Variants in SEL1L observed in about 807,000 individuals in gnomAD.
The protein encoded by SEL1L is protein sel-1 homolog 1.
Under a neutral mutation model 109.8 loss-of-function variants are expected in SEL1L, and 52 were observed. That is an observed-to-expected ratio of 0.47 (90% CI 0.38 to 0.60). SEL1L has a LOEUF of 0.60. SEL1L is among the 20% of genes least tolerant of loss of function. The probability of loss-of-function intolerance (pLI) is 0.00; values close to 1 mark genes in which losing one functional copy is unlikely to be tolerated. For missense variants in SEL1L, 749 were observed against 962.2 expected, an observed-to-expected ratio of 0.78 and a Z score of 2.93; for synonymous variants, 373 against 339.6, an observed-to-expected ratio of 1.10 and a Z score of -1.08.
chr14:81,494,868 C>T (rs575204178), intron 11 of SEL1L, among the ~76,000 whole-genome samples: 2 of 152,298 alleles, frequency 1.3e-5, no homozygotes, highest in Middle Eastern at 3.4e-3. Flanking sequence ...TCCAATATTG[C>T]ATGGTGAATG....
chr14:81,501,535 G>A (rs560268701), intron 6 of SEL1L, among the ~76,000 whole-genome samples: 1 of 152,262 alleles, frequency 6.6e-6, no homozygotes, highest in Admixed American at 6.5e-5. Flanking sequence ...AAATACCGAG[G>A]AAAGAGCTGC....
intron 10 of SEL1L, among the ~76,000 whole-genome samples, chr14:81,496,594 C>T (rs1883759669): frequency 6.6e-6 from 1 of 152,064 alleles, no homozygotes; most frequent in Admixed American, 6.5e-5. Context: ...CAAAAATTAG[C>T]TGGGTGTGGT....
Position 81,495,111 on chromosome 14 carries a change from G to C in SEL1L, c.1155C>G (p.His385Gln). The change falls in exon 11 of 21, where the codon CAC becomes CAG. Residue 385 changes from histidine (H) to glutamine (Q), a missense_variant. This residue lies in a region of SEL1L where 383 missense variants were observed against 562.5 expected (regional missense o/e 0.68). Coordinates refer to ENST00000336735, the MANE Select transcript of SEL1L (RefSeq NM_005065.6). The stretch of plus-strand genomic sequence containing the variant: ...GATTCTGTTCTACTCCACGCCCTCC[G>C]TGCAGGTGCAGTTGTCCAAGACCAA... ...AQVGLGQLHL[H>Q]GGRGVEQNHQ... The C allele has an allele frequency of 6.2e-7, 1 of 1,614,040 alleles. No homozygotes were observed. The highest frequency in any genetic ancestry group is 8.5e-7 in the Non-Finnish European group (1 of 1,179,996).
intron 19 of SEL1L, among the ~76,000 whole-genome samples, chr14:81,480,855 T>C (rs1360788661): frequency 6.6e-6 from 1 of 152,208 alleles, no homozygotes; most frequent in Non-Finnish European, 1.5e-5. Context: ...CAGCAACGTT[T>C]CTCTGCTTCG....
chr14:81,472,803 A>C lies in SEL1L; in HGVS notation c.*4169T>G, dbSNP rs905348313. 4.7e-6 allele frequency: 1 copy of C among 210,718 alleles called. No homozygotes were observed. Among genetic ancestry groups the C allele is most frequent in the Non-Finnish European group, 9.7e-6 (1 of 102,788 alleles). The allele number at this position is 210,718 out of a possible 1,614,324, so 13.1% of individuals were successfully genotyped here. A position where few individuals can be genotyped will look rare whatever the true frequency, so the allele number is the denominator to read the frequency against. On this transcript the variant is annotated 3_prime_UTR_variant, in exon 21 of 21. Coordinates refer to ENST00000336735, the MANE Select transcript of SEL1L (RefSeq NM_005065.6). ...TGAAAGATAAATTCAAATTGCCACA[A>C]GTGAATGTTTTCAGAAGCTTCTGAA... is the stretch of plus-strand genomic sequence containing the variant.
chr14:81,498,238 C>G, intron 9 of SEL1L, 175 bp downstream of exon 9: 1 of 827,062 alleles, frequency 1.2e-6, no homozygotes, highest in Non-Finnish European at 1.8e-6. Context: ...GTAAATAGAA[C>G]CTAAAGCAAA....
intron 6 of SEL1L, 91 bp downstream of exon 6, chr14:81,502,630 T>TTTA: frequency 7.7e-7 from 1 of 1,299,732 alleles, no homozygotes; most frequent in Non-Finnish European, 1.0e-6. Flanking sequence ...CAGTCTGACT[T>TTTA]TTTAAAAGAA....
intron 1 of SEL1L, 95 bp from the exon 2 acceptor site, chr14:81,527,833 TCAAA>T (rs1343906978): frequency 1.3e-6 from 1 of 755,240 alleles, no homozygotes; most frequent in African/African-American, 1.8e-5. Context: ...CAAATAATAA[TCAAA>T]CATTGGATAA....
intron 20 of SEL1L, 139 bp from the exon 21 acceptor site, chr14:81,477,320 T>G (rs1171868985): frequency 1.4e-5 from 9 of 637,602 alleles, no homozygotes; most frequent in Non-Finnish European, 2.4e-5. Context: ...TGTGTGTGTG[T>G]GTGTGTGTGT....
chr14:81,525,983 T>C (rs1885096128), intron 3 of SEL1L, among the ~76,000 whole-genome samples: 1 of 152,174 alleles, frequency 6.6e-6, no homozygotes, highest in African/African-American at 2.4e-5. Context: ...AAAATAGTTT[T>C]CTATTCATGA....
intron 3 of SEL1L, among the ~76,000 whole-genome samples, chr14:81,508,409 T>C (rs1884328042): frequency 6.6e-6 from 1 of 152,088 alleles, no homozygotes; most frequent in African/African-American, 2.4e-5. Flanking sequence ...AGGACATCCC[T>C]ATACACTGCT....
At chr14:81,492,846 G>T (rs562995648) in intron 11 of SEL1L, among the ~76,000 whole-genome samples, 98 of 152,306 alleles carry the variant, frequency 6.4e-4, no homozygotes, top group African/African-American at 2.3e-3. Context: ...CAGGCAAAGC[G>T]AACATCAGCC....
intron 3 of SEL1L, among the ~76,000 whole-genome samples, chr14:81,519,439 G>T (rs1429038371): frequency 6.6e-6 from 1 of 152,162 alleles, no homozygotes. Flanking sequence ...AACACAACTG[G>T]GAATAAGTGT....
chr14:81,505,586 T>C (rs1884208798), intron 4 of SEL1L, among the ~76,000 whole-genome samples: 1 of 152,238 alleles, frequency 6.6e-6, no homozygotes, highest in Admixed American at 6.5e-5. Context: ...TAGGAAGTTT[T>C]TCCTGAAAAT....
intron 20 of SEL1L, among the ~76,000 whole-genome samples, chr14:81,479,067 A>G (rs1225154027): frequency 2.0e-5 from 3 of 152,204 alleles, no homozygotes; most frequent in Non-Finnish European, 4.4e-5. Flanking sequence ...TGCCAACTAA[A>G]GTTGGTAATT....
intron 18 of SEL1L, 116 bp downstream of exon 18, chr14:81,485,556 T>C (rs1211381070): frequency 1.1e-6 from 1 of 871,852 alleles, no homozygotes; most frequent in Non-Finnish European, 1.8e-6. Context: ...CTTCCGAAAG[T>C]GCTAGGGTTA....
At chr14:81,493,645 C>T (rs1883632390) in intron 11 of SEL1L, among the ~76,000 whole-genome samples, 1 of 152,206 alleles carries the variant, frequency 6.6e-6, no homozygotes, top group Admixed American at 6.5e-5. Flanking sequence ...CACAGCCAAG[C>T]TTCTCGAATA....
Position 81,499,665 on chromosome 14 carries a change from G to A in SEL1L, c.778-3C>T. 6.2e-7 allele frequency: 1 copy of A among 1,602,370 alleles called. No homozygotes were observed. Among genetic ancestry groups the A allele is most frequent in the Non-Finnish European group, 8.5e-7 (1 of 1,177,220 alleles). On this transcript the variant is annotated splice_region_variant and splice_polypyrimidine_tract_variant and intron_variant, in intron 6 of 20. Transcript: ENST00000336735. ...GAGGCATACAGAAAGCCAAGAGCCT[G>A]AAATAGATGATAAAAGTAAGAAATC...
At chr14:81,504,423 C>A in intron 4 of SEL1L, 117 bp from the exon 5 acceptor site, 2 of 615,798 alleles carry the variant, frequency 3.2e-6, no homozygotes, top group East Asian at 3.3e-5. Context: ...TCACTATTCC[C>A]AAACATGATT....
Sources: gnomAD v4.1 joint callset for allele counts (sites outside exome capture counted in the v4.1 genomes callset) on GRCh38, gnomAD v4.1.1 for gene constraint, gnomAD v4.1.1 regional missense constraint, MANE v1.5 for transcripts, NCBI Gene and HGNC (gene_info 2026-07-23, HGNC 2026-07-21) for gene names.